NEK11: variants seen among roughly 807,000 people sequenced by gnomAD.
The protein encoded by NEK11 is serine/threonine-protein kinase Nek11.
In NEK11, 72 loss-of-function variants were observed where a neutral mutation model predicts 80.7. The ratio of observed to expected loss-of-function variants is 0.89; its 90% CI spans 0.74 to 1.08. The LOEUF is 1.08. Among genes scored for constraint, NEK11 ranks in the 50% least tolerant of loss-of-function variants. NEK11 has a pLI of 0.00. For synonymous variants in NEK11, 251 were observed against 260.7 expected, an observed-to-expected ratio of 0.96 and a Z score of 0.36; for missense variants, 764 against 763.6, an observed-to-expected ratio of 1.00 and a Z score of -0.01.
chr3:131,326,122 G>A (rs1455806450), intron 17 of NEK11: 1 of 152,152 alleles, frequency 6.6e-6, no homozygotes, highest in Non-Finnish European at 1.5e-5. Flanking sequence ...TAGGAGAGCT[G>A]GATTTTTCTT....
At chr3:131,161,076 A>G (rs536286108) in intron 10 of NEK11, among the ~76,000 whole-genome samples, 73 of 150,374 alleles carry the variant, frequency 4.9e-4, no homozygotes, top group African/African-American at 1.8e-3. Context: ...CCAGCTACTC[A>G]GGAGGCTGAG....
chr3:131,067,804 A>G (rs767459237), intron 3 of NEK11, among the ~76,000 whole-genome samples: 4 of 152,236 alleles, frequency 2.6e-5, no homozygotes, highest in Non-Finnish European at 5.9e-5. Flanking sequence ...GCTGTACTTT[A>G]TCATTACTGG....
At chr3:131,125,891 G>A (rs1320632590) in intron 5 of NEK11, among the ~76,000 whole-genome samples, 1 of 152,126 alleles carries the variant, frequency 6.6e-6, no homozygotes, top group East Asian at 1.9e-4. Context: ...GCATTGGTAG[G>A]GCCAGATCTT....
chr3:131,142,248 T>C (rs868654456), intron 7 of NEK11, among the ~76,000 whole-genome samples: 4 of 152,090 alleles, frequency 2.6e-5, no homozygotes, highest in Non-Finnish European at 2.9e-5. Flanking sequence ...ATTCCCCCTG[T>C]GGGGGAAGGG....
At chr3:131,273,888 C>G (rs116155730) in intron 17 of NEK11, among the ~76,000 whole-genome samples, 1,902 of 152,198 alleles carry the variant, frequency 0.012, 37 homozygotes, top group African/African-American at 0.043. Flanking sequence ...AAATTATTTC[C>G]AAGCCTAAAG....
At chr3:131,123,581 A>G (rs1006817513) in intron 5 of NEK11, among the ~76,000 whole-genome samples, 1 of 152,136 alleles carries the variant, frequency 6.6e-6, no homozygotes, top group African/African-American at 2.4e-5. Context: ...GCTTTCTAAC[A>G]TATTGTATGC....
chr3:131,035,703 T>C (rs150843187), intron 3 of NEK11, among the ~76,000 whole-genome samples: 1 of 152,182 alleles, frequency 6.6e-6, no homozygotes, highest in Non-Finnish European at 1.5e-5. Context: ...TTGTGCACCC[T>C]CCCACCATTT....
At chr3:131,317,797 A>G (rs12631047) in intron 17 of NEK11, among the ~76,000 whole-genome samples, 2,044 of 98,356 alleles carry the variant, frequency 0.021, 30 homozygotes, top group East Asian at 0.09. Flanking sequence ...AGGAGGAGAG[A>G]AGGAGGAGGA....
chr3:131,157,820 G>A (rs1386497478), intron 10 of NEK11, among the ~76,000 whole-genome samples: 1 of 152,156 alleles, frequency 6.6e-6, no homozygotes, highest in East Asian at 1.9e-4. Context: ...ACCTATTCTT[G>A]CCACAGGCCT....
At chr3:131,062,010 A>G (rs6794179) in intron 3 of NEK11, among the ~76,000 whole-genome samples, 26,623 of 152,254 alleles carry the variant, frequency 0.17, 2,430 homozygotes, top group Non-Finnish European at 0.21. Flanking sequence ...AATGAATTCA[A>G]TGGGCACTAG....
chr3:131,162,261 C>A, intron 10 of NEK11, 147 bp from the exon 11 acceptor site: 1 of 912,856 alleles, frequency 1.1e-6, no homozygotes, highest in Non-Finnish European at 1.6e-6. Context: ...TGGCTCATTA[C>A]ATACCCAAAG....
At chr3:131,317,466 GC>G (rs2096851831) in intron 17 of NEK11, among the ~76,000 whole-genome samples, 1 of 151,970 alleles carries the variant, frequency 6.6e-6, no homozygotes, top group Non-Finnish European at 1.5e-5. Context: ...GGCATCCTTG[GC>G]TGTAAATAGT....
intron 3 of NEK11, among the ~76,000 whole-genome samples, chr3:131,077,940 A>G (rs1413519947): frequency 1.3e-5 from 2 of 152,252 alleles, no homozygotes; most frequent in Non-Finnish European, 2.9e-5. Context: ...CTTATTAAAT[A>G]GGAGCCTAAT....
At chr3:131,049,003 C>T (rs564729786) in intron 3 of NEK11, among the ~76,000 whole-genome samples, 18 of 152,316 alleles carry the variant, frequency 1.2e-4, no homozygotes, top group African/African-American at 3.8e-4. Context: ...GCTCCGCCTA[C>T]GGAAGACTTG....
intron 17 of NEK11, among the ~76,000 whole-genome samples, chr3:131,281,047 A>G (rs2096387866): frequency 6.6e-6 from 1 of 152,122 alleles, no homozygotes; most frequent in African/African-American, 2.4e-5. Flanking sequence ...CAGCTCAGTA[A>G]TCTCCTCACA....
intron 7 of NEK11, among the ~76,000 whole-genome samples, chr3:131,135,715 C>A (rs901555032): frequency 5.3e-5 from 8 of 151,676 alleles, no homozygotes. Context: ...AAATATATAT[C>A]TTTATAGTTT....
chr3:131,237,649 C>T (rs1358646436), intron 15 of NEK11, among the ~76,000 whole-genome samples: 1 of 151,942 alleles, frequency 6.6e-6, no homozygotes, highest in Non-Finnish European at 1.5e-5. Context: ...GAACTCTAGA[C>T]TCACATATCC....
At chr3:131,260,862 G>A (rs778739798) in intron 16 of NEK11, among the ~76,000 whole-genome samples, 1 of 152,124 alleles carries the variant, frequency 6.6e-6, no homozygotes, top group Non-Finnish European at 1.5e-5. Flanking sequence ...AGTGCACCAA[G>A]GGCAGTGTCT....
chr3:131,204,309 G>A (rs1273951901), intron 14 of NEK11, among the ~76,000 whole-genome samples: 2 of 152,134 alleles, frequency 1.3e-5, no homozygotes, highest in Non-Finnish European at 2.9e-5. Flanking sequence ...TAATAAACCA[G>A]TAAACATCAG....
Sources: allele counts gnomAD v4.1 joint callset (sites outside exome capture counted in the v4.1 genomes callset), GRCh38; gene constraint gnomAD v4.1.1; transcripts MANE v1.5; gene names NCBI Gene and HGNC (gene_info 2026-07-23, HGNC 2026-07-21).